Variants in EYA3 observed in about 807,000 individuals in gnomAD.
The protein encoded by EYA3 is EYA transcriptional coactivator and phosphatase 3.
Under a neutral mutation model 80.0 loss-of-function variants are expected in EYA3, and 39 were observed. The observed-to-expected ratio is 0.49, with a 90% CI of 0.38 to 0.64. The LOEUF (loss-of-function observed/expected upper bound fraction) is 0.64. Ranked by LOEUF, EYA3 falls within the 30% of genes least tolerant of loss-of-function variation. EYA3 has a pLI of 0.00. For missense variants in EYA3, 523 were observed against 676.1 expected (o/e 0.77, Z 2.51); for synonymous variants, 206 against 232.8 (o/e 0.88, Z 1.05).
At chr1:27,994,052 T>C (rs1325055622) in intron 13 of EYA3, among the ~76,000 whole-genome samples, 2 of 152,256 alleles carry the variant, frequency 1.3e-5, no homozygotes, top group Non-Finnish European at 2.9e-5. Flanking sequence ...GTCACTGTGG[T>C]AGCTTCAAAA....
chr1:28,013,923 C>T lies in EYA3; in HGVS notation c.586-629G>A, dbSNP rs550770053. On this transcript the variant is annotated intron_variant, in intron 8 of 17. Coordinates refer to ENST00000373871, the MANE Select transcript of EYA3 (RefSeq NM_001990.4). This position sits in a 1 kb window ranked among gnomAD's most constrained non-coding sequence, Gnocchi z 4.0. ...ACTAAAAATACAAAAATTAGCCTGGCGTGGTGGCACATGCCTGAAATCCCA... is the reference window on the plus strand; with the variant it reads ...ACTAAAAATACAAAAATTAGCCTGGTGTGGTGGCACATGCCTGAAATCCCA... Among the ~76,000 whole-genome samples, 116 of 152,018 alleles carry T rather than the reference C, an allele frequency of 7.6e-4. No individual in the cohort carries two copies. Among genetic ancestry groups the T allele is most frequent in the African/African-American group, 6.3e-4 (26 of 41,464 alleles).
At chr1:28,030,185 G>A (rs777615640) in intron 6 of EYA3, among the ~76,000 whole-genome samples, 51 of 152,328 alleles carry the variant, frequency 3.3e-4, no homozygotes, top group Non-Finnish European at 6.9e-4. Context: ...CCAGGGCACT[G>A]AGATACTTCA....
At chr1:28,007,958 T>G (rs900085746) in intron 10 of EYA3, among the ~76,000 whole-genome samples, 3 of 152,150 alleles carry the variant, frequency 2.0e-5, no homozygotes, top group African/African-American at 7.2e-5. Flanking sequence ...AGAACAAAGT[T>G]GAAGGATTCA....
At chr1:28,044,389 G>A (rs1643926541) in intron 3 of EYA3, among the ~76,000 whole-genome samples, 1 of 152,164 alleles carries the variant, frequency 6.6e-6, no homozygotes, top group South Asian at 2.1e-4. Context: ...CTGTCAGGAG[G>A]ACTAATAAGT....
intron 1 of EYA3, among the ~76,000 whole-genome samples, chr1:28,064,468 A>G (rs1195829269): frequency 6.6e-6 from 1 of 151,512 alleles, no homozygotes; most frequent in Non-Finnish European, 1.5e-5. Context: ...GTTTACTCCA[A>G]TACCTACAAA....
intron 13 of EYA3, among the ~76,000 whole-genome samples, chr1:27,996,097 T>A (rs1640435923): frequency 6.6e-6 from 1 of 152,210 alleles, no homozygotes; most frequent in Non-Finnish European, 1.5e-5. Flanking sequence ...AGTCTCGAAC[T>A]CCTGACCTCA....
chr1:28,076,623 G>A lies in EYA3; in HGVS notation c.-69+11901C>T, dbSNP rs1342753092. Reference sequence around the variant, plus strand: ...GTGGAGGTTGCAGTGAGCTGAGATCGCACCACTGCACTCCAGCCTGGGTGA... The same window carrying A: ...GTGGAGGTTGCAGTGAGCTGAGATCACACCACTGCACTCCAGCCTGGGTGA... On this transcript the variant is annotated intron_variant, in intron 1 of 17. Transcript: ENST00000373871. Among the ~76,000 whole-genome samples the A allele has an allele frequency of 6.0e-5, 8 of 133,092 alleles. No homozygotes were observed. In the South Asian group the frequency reaches 7.3e-4, roughly 12 times the overall value. The allele number at this position is 133,092 out of a possible 152,430, so 87.3% of individuals were successfully genotyped here.
At chr1:28,043,574 A>G (rs1023285838) in intron 3 of EYA3, among the ~76,000 whole-genome samples, 11 of 152,168 alleles carry the variant, frequency 7.2e-5, no homozygotes, top group Middle Eastern at 3.2e-3. Context: ...GCGGTGGCTT[A>G]CACCTGTAAT....
intron 2 of EYA3, among the ~76,000 whole-genome samples, chr1:28,056,667 T>C (rs1354255411): frequency 6.6e-6 from 1 of 152,198 alleles, no homozygotes; most frequent in Non-Finnish European, 1.5e-5. Flanking sequence ...TTGCACATCA[T>C]GTTACAGAAG....
intron 11 of EYA3, among the ~76,000 whole-genome samples, chr1:28,001,197 CAT>C (rs969166546): frequency 1.3e-5 from 2 of 148,206 alleles, no homozygotes; most frequent in Non-Finnish European, 3.0e-5. Context: ...AATATATTCA[CAT>C]ATTATATGAA....
chr1:28,025,296 C>T lies in EYA3; in HGVS notation c.499+2493G>A, dbSNP rs190791069. 5.6e-4 allele frequency among the ~76,000 whole-genome samples: 85 copies of T among 152,098 alleles called. 1 individual carries two copies. Among genetic ancestry groups the T allele is most frequent in the African/African-American group, 1.9e-3 (79 of 41,502 alleles). The stretch of plus-strand genomic sequence containing the variant: ...TGTGCTAATGAACAATAAAATGGGC[C>T]AATAGATTAACCACAAAAAGGGAGG... On this transcript the variant is annotated intron_variant, in intron 7 of 17. Coordinates refer to ENST00000373871, the MANE Select transcript of EYA3 (RefSeq NM_001990.4).
chr1:27,995,876 A>G (rs1284121266), intron 13 of EYA3, among the ~76,000 whole-genome samples: 1 of 152,064 alleles, frequency 6.6e-6, no homozygotes, highest in East Asian at 1.9e-4. Flanking sequence ...ATGTTTCATT[A>G]TTTGTTTGTT....
In EYA3 at chr1:28,061,903, G is replaced by GT. The variant is rs772381035; in HGVS notation, c.-68-3810dup. 7.5e-4 allele frequency among the ~76,000 whole-genome samples: 106 copies of GT among 140,480 alleles called. 1 individual carries two copies. Among genetic ancestry groups the GT allele is most frequent in the South Asian group, 2.5e-3 (11 of 4,416 alleles). The allele number at this position is 140,480 out of a possible 152,430, so 92.2% of individuals were successfully genotyped here. On this transcript the variant is annotated intron_variant, in intron 1 of 17. Transcript: ENST00000373871. Reference sequence around the variant, plus strand: ...TGTGAGCCACCGCGCCCGGTCAACGGTTTTTTTTTGTTTGTTTGTTTGTTT... The same window carrying GT: ...TGTGAGCCACCGCGCCCGGTCAACGGTTTTTTTTTTGTTTGTTTGTTTGTTT...
intron 7 of EYA3, 55 bp from the exon 8 acceptor site, chr1:28,017,294 G>A (rs1490540930): frequency 4.5e-6 from 6 of 1,331,466 alleles, no homozygotes; most frequent in Non-Finnish European, 6.4e-6. Context: ...AAGGTTAGAA[G>A]AAACTGAAAA....
At chr1:28,014,185 G>A (rs1641880907) in intron 8 of EYA3, among the ~76,000 whole-genome samples, 1 of 152,178 alleles carries the variant, frequency 6.6e-6, no homozygotes, top group Non-Finnish European at 1.5e-5. Context: ...GGGAGGACGA[G>A]GTGGGAGGAT....
intron 6 of EYA3, among the ~76,000 whole-genome samples, chr1:28,033,452 ATC>A (rs1202611416): frequency 6.6e-6 from 1 of 152,094 alleles, no homozygotes; most frequent in African/African-American, 2.4e-5. Flanking sequence ...GCTAATGATT[ATC>A]TCTTTCTGAA....
chr1:28,063,500 G>A (rs1257981626), intron 1 of EYA3, among the ~76,000 whole-genome samples: 2 of 151,658 alleles, frequency 1.3e-5, no homozygotes, highest in Non-Finnish European at 2.9e-5. Flanking sequence ...GGGATTACAG[G>A]TGTGCGCCAC....
rs115084620 is a variant in EYA3 at position 28,080,027 on chromosome 1, C to T, written c.-69+8497G>A. On this transcript the variant is annotated intron_variant, in intron 1 of 17. Transcript: ENST00000373871. Reference sequence around the variant, plus strand: ...AACTGCAGGTACATTGCATTAACTACGGAAACTAAAGAAAAAATTCAATTT... The same window carrying T: ...AACTGCAGGTACATTGCATTAACTATGGAAACTAAAGAAAAAATTCAATTT... Among the ~76,000 whole-genome samples, 226 of 152,216 alleles carry T rather than the reference C, an allele frequency of 1.5e-3. 1 individual carries two copies. Among genetic ancestry groups the T allele is most frequent in the African/African-American group, 4.9e-3 (202 of 41,530 alleles).
intron 3 of EYA3, among the ~76,000 whole-genome samples, chr1:28,045,504 T>C (rs1643969581): frequency 6.6e-6 from 1 of 152,128 alleles, no homozygotes; most frequent in African/African-American, 2.4e-5. Flanking sequence ...GTTGGTGATA[T>C]TGCTATGATC....
Sources: gnomAD v4.1 joint callset for allele counts (sites outside exome capture counted in the v4.1 genomes callset) on GRCh38, gnomAD v4.1.1 for gene constraint, Gnocchi (gnomAD v3.1) non-coding constraint, MANE v1.5 for transcripts, NCBI Gene and HGNC (gene_info 2026-07-23, HGNC 2026-07-21) for gene names.